Variants in ZDHHC11 observed in about 807,000 individuals in gnomAD.
ZDHHC11 encodes the protein palmitoyltransferase ZDHHC11.
ZDHHC11 carries 44 observed loss-of-function variants against 51.3 expected under a neutral mutation model. The ratio of observed to expected loss-of-function variants is 0.86; its 90% CI spans 0.67 to 1.10. The LOEUF (loss-of-function observed/expected upper bound fraction) is 1.10, where lower values mean the gene tolerates loss of function less well. Ranked by LOEUF, ZDHHC11 falls within the 50% of genes least tolerant of loss-of-function variation. The probability of loss-of-function intolerance (pLI) is 0.00; values close to 1 mark genes in which losing one functional copy is unlikely to be tolerated. For synonymous variants in ZDHHC11, 163 were observed against 222.0 expected, an observed-to-expected ratio of 0.73 and a Z score of 2.36; for missense variants, 400 against 537.7, an observed-to-expected ratio of 0.74 and a Z score of 2.53.
chr5:814,944 A>G lies in ZDHHC11; in HGVS notation c.1147-149T>C, dbSNP rs565000256. On this transcript the variant is annotated intron_variant, in intron 10 of 12. Coordinates refer to ENST00000283441, the MANE Select transcript of ZDHHC11 (RefSeq NM_024786.3). ...ATCATGGAATAGGATCTCAGTGGTGACACAGCACCCTTCCTCCCAATCCTT... is the reference window on the plus strand; with the variant it reads ...ATCATGGAATAGGATCTCAGTGGTGGCACAGCACCCTTCCTCCCAATCCTT... 176 of 804,160 alleles carry G rather than the reference A, an allele frequency of 2.2e-4. 5 individuals are homozygous for G. Among genetic ancestry groups the G allele is most frequent in the African/African-American group, 1.7e-3 (98 of 58,916 alleles). The allele number at this position is 804,160 out of a possible 1,614,324, so 49.8% of individuals were successfully genotyped here.
intron 10 of ZDHHC11, among the ~76,000 whole-genome samples, chr5:818,033 C>A (rs6870982): frequency 0.24 from 35,527 of 150,280 alleles, 6,952 homozygotes; most frequent in African/African-American, 0.52. Flanking sequence ...AATGAACCGA[C>A]GGTGTTATTT....
intron 11 of ZDHHC11, among the ~76,000 whole-genome samples, chr5:813,896 C>G (rs1157195630): frequency 6.7e-6 from 1 of 149,640 alleles, no homozygotes; most frequent in Admixed American, 6.6e-5. Context: ...TGTGCACGTG[C>G]CTGTGTCTGT....
rs764589592 is a variant in ZDHHC11 at position 850,846 on chromosome 5, G to A, written c.-244C>T. On this transcript the variant is annotated 5_prime_UTR_variant, in exon 1 of 13. Transcript: ENST00000283441. ...GCAGAATGTGACCCCGGCCAGAGCC[G>A]AGTGGCAACGGAAAACGGCTCTCCA... The A allele has an allele frequency of 9.9e-5, 59 of 595,978 alleles. No homozygotes were observed. The highest frequency in any genetic ancestry group is 4.5e-4 in the Middle Eastern group (1 of 2,212). 36.9% of individuals were successfully genotyped at this position (595,978 alleles called of 1,614,324 possible).
At chr5:797,689 G>C (rs537185399) in intron 12 of ZDHHC11, among the ~76,000 whole-genome samples, 2 of 151,606 alleles carry the variant, frequency 1.3e-5, no homozygotes, top group South Asian at 2.1e-4. Context: ...TTCTGACTTT[G>C]TGTTTTCTTC....
upstream of ZDHHC11, among the ~76,000 whole-genome samples, chr5:854,975 C>A (rs564032553): frequency 7.1e-6 from 1 of 141,304 alleles, no homozygotes; most frequent in South Asian, 2.3e-4. Context: ...ACAGACCCCA[C>A]GGAGGACAGC....
At chr5:823,643 C>T (rs1280508518) in intron 8 of ZDHHC11, 4 of 170,434 alleles carry the variant, frequency 2.3e-5, no homozygotes, top group East Asian at 2.8e-4. Context: ...GAACAATGAA[C>T]GACGGTGTCA....
intron 7 of ZDHHC11, among the ~76,000 whole-genome samples, chr5:827,752 T>A (rs1428370627): frequency 6.6e-6 from 1 of 151,170 alleles, no homozygotes; most frequent in Admixed American, 6.6e-5. Flanking sequence ...TTTATTTTTT[T>A]TTTTTTATTG....
At chr5:798,880 T>C (rs1277400456) in intron 12 of ZDHHC11, among the ~76,000 whole-genome samples, 2 of 152,186 alleles carry the variant, frequency 1.3e-5, no homozygotes, top group Admixed American at 6.5e-5. Context: ...TCAAAAATAA[T>C]GCAAATGATA....
At chr5:799,482 C>G (rs1377284371) in intron 12 of ZDHHC11, among the ~76,000 whole-genome samples, 2 of 151,630 alleles carry the variant, frequency 1.3e-5, no homozygotes, top group Admixed American at 6.6e-5. Context: ...CGCCTTGTGT[C>G]CATCACTGTT....
At chr5:857,779 G>A (rs528145732) in intron 1 of ZDHHC11, among the ~76,000 whole-genome samples, 16 of 147,708 alleles carry the variant, frequency 1.1e-4, no homozygotes, top group African/African-American at 2.0e-4. Context: ...AGTCTGTCCC[G>A]GTCCCCATCC....
At chr5:834,845 C>A (rs1196160288) in intron 6 of ZDHHC11, among the ~76,000 whole-genome samples, 1 of 151,376 alleles carries the variant, frequency 6.6e-6, no homozygotes, top group Non-Finnish European at 1.5e-5. Context: ...CTGTTGCACA[C>A]GTCATGTAAA....
upstream of ZDHHC11, among the ~76,000 whole-genome samples, chr5:860,087 T>C (rs1560880130): frequency 6.6e-6 from 1 of 152,162 alleles, no homozygotes; most frequent in Non-Finnish European, 1.5e-5. This position sits in a 1 kb window ranked among gnomAD's most constrained non-coding sequence, Gnocchi z 4.2. Context: ...CTGCTGCCCA[T>C]GGACATCTTG....
chr5:855,583 C>T (rs540605081), upstream of ZDHHC11, among the ~76,000 whole-genome samples: 3 of 148,814 alleles, frequency 2.0e-5, no homozygotes, highest in South Asian at 6.4e-4. Context: ...GGGGGACAGA[C>T]CGCACAGAGG....
At chr5:850,329 A>G (rs554844146) in intron 1 of ZDHHC11, 52 bp downstream of exon 1, 8 of 1,581,930 alleles carry the variant, frequency 5.1e-6, no homozygotes, top group African/African-American at 2.7e-5. Context: ...GTCCATCGCA[A>G]GTTCCTCCAG....
rs548700722 is a variant in ZDHHC11, at chr5:829,622, G to A, written c.935+4151C>T. ...TATTACAAAAGATAAAGAGGGAATC[G>A]TCCATAAATCATTCCATGAAGCCAG... On this transcript the variant is annotated intron_variant, in intron 7 of 12. Transcript: ENST00000283441. 1.7e-3 allele frequency among the ~76,000 whole-genome samples: 254 copies of A among 151,488 alleles called. 1 individual carries two copies. The highest frequency in any genetic ancestry group is 2.3e-3 in the Non-Finnish European group (157 of 67,782).
chr5:839,033 G>A (rs1461664831), intron 5 of ZDHHC11, among the ~76,000 whole-genome samples: 1 of 133,828 alleles, frequency 7.5e-6, no homozygotes, highest in African/African-American at 3.0e-5. Flanking sequence ...TTCTCCTGTT[G>A]TGGGGGGACT....
At chr5:839,996 G>A in intron 5 of ZDHHC11, 1 of 556,400 alleles carries the variant, frequency 1.8e-6, no homozygotes. Flanking sequence ...TCAGCAACAT[G>A]ACTGACCGCC....
At chr5:853,029 GC>G (rs1747517843), upstream of ZDHHC11, among the ~76,000 whole-genome samples, 1 of 136,918 alleles carries the variant, frequency 7.3e-6, no homozygotes, top group African/African-American at 2.8e-5. Flanking sequence ...ACAGCGAGCA[GC>G]GGGCACAGAC....
At chr5:800,198 C>T (rs551445585) in intron 12 of ZDHHC11, among the ~76,000 whole-genome samples, 1 of 151,164 alleles carries the variant, frequency 6.6e-6, no homozygotes, top group East Asian at 1.9e-4. Flanking sequence ...CACAGGAACT[C>T]TGAGGATACC....
Sources: allele counts gnomAD v4.1 joint callset (sites outside exome capture counted in the v4.1 genomes callset), GRCh38; gene constraint gnomAD v4.1.1; non-coding constraint Gnocchi (gnomAD v3.1); transcripts MANE v1.5; gene names NCBI Gene and HGNC (gene_info 2026-07-23, HGNC 2026-07-21).